Variants in FHIT observed in about 807,000 individuals in gnomAD.
FHIT encodes the protein fragile histidine triad diadenosine triphosphatase.
In FHIT, 19 loss-of-function variants were observed where a neutral mutation model predicts 17.9. The ratio of observed to expected loss-of-function variants is 1.06; its 90% confidence interval spans 0.74 to 1.56. The LOEUF (loss-of-function observed/expected upper bound fraction) is 1.56, where lower values mean the gene tolerates loss of function less well. FHIT is among the 40% of genes most tolerant of loss of function. The probability of loss-of-function intolerance (pLI) is 0.00; values close to 1 mark genes in which losing one functional copy is unlikely to be tolerated. For synonymous variants in FHIT, 81 were observed against 69.7 expected, an observed-to-expected ratio of 1.16 and a Z score of -0.81; for missense variants, 248 against 189.2, an observed-to-expected ratio of 1.31 and a Z score of -1.82.
At chr3:59,963,034 T>A (rs954716623) in intron 7 of FHIT, among the ~76,000 whole-genome samples, 3 of 152,124 alleles carry the variant, frequency 2.0e-5, no homozygotes, top group Non-Finnish European at 4.4e-5. Context: ...AGCGGGCAGA[T>A]CACGAGGTCA....
At chr3:60,988,081 A>G (rs1403954690) in intron 3 of FHIT, among the ~76,000 whole-genome samples, 1 of 152,210 alleles carries the variant, frequency 6.6e-6, no homozygotes, top group African/African-American at 2.4e-5. Context: ...TGTACTATCA[A>G]ACCAGTATAT....
chr3:60,494,914 T>C (rs1576757789), intron 5 of FHIT, among the ~76,000 whole-genome samples: 2 of 152,332 alleles, frequency 1.3e-5, no homozygotes, highest in Admixed American at 6.5e-5. Flanking sequence ...TCTTGACTAT[T>C]GTGAACAGTG....
intron 5 of FHIT, among the ~76,000 whole-genome samples, chr3:60,514,499 T>TGG (rs967013458): frequency 5.9e-5 from 9 of 151,626 alleles, no homozygotes; most frequent in African/African-American, 2.2e-4. Flanking sequence ...GTCGAGGAGG[T>TGG]GGGGAGAAGG....
At chr3:60,548,165 G>A (rs1027149553) in intron 4 of FHIT, among the ~76,000 whole-genome samples, 1 of 148,554 alleles carries the variant, frequency 6.7e-6, no homozygotes. Flanking sequence ...GAGAGAGAGA[G>A]ACACTCTTCA....
intron 5 of FHIT, among the ~76,000 whole-genome samples, chr3:60,503,939 A>C (rs1445045739): frequency 6.6e-6 from 1 of 152,244 alleles, no homozygotes; most frequent in Non-Finnish European, 1.5e-5. Context: ...TATTTATAAT[A>C]AATACATGCA....
At chr3:60,645,433 C>T (rs1553686505) in intron 4 of FHIT, among the ~76,000 whole-genome samples, 1 of 152,180 alleles carries the variant, frequency 6.6e-6, no homozygotes, top group Non-Finnish European at 1.5e-5. Flanking sequence ...AGAAATAATT[C>T]AGAGCTTTCT....
chr3:60,210,690 A>G (rs908288935), intron 5 of FHIT, among the ~76,000 whole-genome samples: 1 of 152,174 alleles, frequency 6.6e-6, no homozygotes, highest in Non-Finnish European at 1.5e-5. Flanking sequence ...ATCGAAAACA[A>G]TACTAATATA....
intron 1 of FHIT, among the ~76,000 whole-genome samples, chr3:61,219,555 A>G (rs892192893): frequency 6.6e-6 from 1 of 152,164 alleles, no homozygotes; most frequent in African/African-American, 2.4e-5. Flanking sequence ...TACAGTTACA[A>G]TATTATACCA....
At chr3:59,873,142 T>C (rs1386428840) in intron 8 of FHIT, among the ~76,000 whole-genome samples, 1 of 152,206 alleles carries the variant, frequency 6.6e-6, no homozygotes, top group Admixed American at 6.5e-5. Context: ...TCTGGATAGT[T>C]ACAGTGCCCC....
At chr3:60,959,647 T>C (rs1210545748) in intron 3 of FHIT, among the ~76,000 whole-genome samples, 1 of 151,918 alleles carries the variant, frequency 6.6e-6, no homozygotes, top group African/African-American at 2.4e-5. Flanking sequence ...CCACTGGAGA[T>C]GAAGAAAACA....
In FHIT at chr3:60,256,010, G is replaced by A. The variant is rs115082313; in HGVS notation, c.104-241858C>T. On this transcript the variant is annotated intron_variant, in intron 5 of 9. Transcript: ENST00000492590. Reference sequence around the variant, plus strand: ...GGCTTGCAAGCCTGATTTTTGAAAAGGTATTATGGTGAAACCTGGAAACCT... The same window carrying A: ...GGCTTGCAAGCCTGATTTTTGAAAAAGTATTATGGTGAAACCTGGAAACCT... Among the ~76,000 whole-genome samples, 473 of 152,194 alleles carry A rather than the reference G, an allele frequency of 3.1e-3. 4 individuals are homozygous for A. Among genetic ancestry groups the A allele is most frequent in the African/African-American group, 0.011 (453 of 41,520 alleles).
chr3:60,792,128 T>C (rs1380998095), intron 4 of FHIT, among the ~76,000 whole-genome samples: 1 of 152,208 alleles, frequency 6.6e-6, no homozygotes, highest in Admixed American at 6.5e-5. Flanking sequence ...CAGCCTCCAA[T>C]GAGGATGGCT....
chr3:60,114,130 A>G (rs1330285951), intron 5 of FHIT, among the ~76,000 whole-genome samples: 2 of 144,788 alleles, frequency 1.4e-5, no homozygotes, highest in Non-Finnish European at 3.0e-5. Context: ...AAAATACATT[A>G]TAAAACAAGC....
chr3:60,553,560 G>C (rs1267359148), intron 4 of FHIT, among the ~76,000 whole-genome samples: 2 of 136,112 alleles, frequency 1.5e-5, no homozygotes, highest in Non-Finnish European at 3.1e-5. Flanking sequence ...GAGAGAGAGA[G>C]GCTCCTGAAG....
At chr3:59,863,262 G>A (rs1702486683) in intron 8 of FHIT, among the ~76,000 whole-genome samples, 1 of 152,188 alleles carries the variant, frequency 6.6e-6, no homozygotes, top group South Asian at 2.1e-4. Context: ...CCTGCTTTGT[G>A]ACGCACATCA....
intron 4 of FHIT, among the ~76,000 whole-genome samples, chr3:60,802,488 G>A (rs1701226945): frequency 6.6e-6 from 1 of 152,100 alleles, no homozygotes; most frequent in African/African-American, 2.4e-5. Flanking sequence ...TATTAAATGG[G>A]CATTTAAAGA....
chr3:60,040,414 G>T (rs1349735169), intron 5 of FHIT, among the ~76,000 whole-genome samples: 1 of 152,100 alleles, frequency 6.6e-6, no homozygotes, highest in Non-Finnish European at 1.5e-5. Context: ...AAAGTGCTGG[G>T]ATTACAGGCA....
chr3:59,998,957 C>T (rs753167357), intron 7 of FHIT, among the ~76,000 whole-genome samples: 6 of 152,108 alleles, frequency 3.9e-5, no homozygotes, highest in South Asian at 2.1e-4. Context: ...TGCCTCCCTC[C>T]GGCACTTTAT....
chr3:60,885,493 A>C (rs1241098073), intron 3 of FHIT, among the ~76,000 whole-genome samples: 1 of 152,172 alleles, frequency 6.6e-6, no homozygotes, highest in African/African-American at 2.4e-5. Flanking sequence ...TATGAGCAAT[A>C]ATAAGTATTT....
Sources: allele counts gnomAD v4.1 joint callset (sites outside exome capture counted in the v4.1 genomes callset), GRCh38; gene constraint gnomAD v4.1.1; transcripts MANE v1.5; gene names NCBI Gene and HGNC (gene_info 2026-07-23, HGNC 2026-07-21).